Variants in CLCNKB observed in about 807,000 individuals in gnomAD.
CLCNKB encodes the protein chloride voltage-gated channel Kb, also known as chloride channel protein ClC-Kb.
CLCNKB carries 74 observed loss-of-function variants against 83.8 expected under a neutral mutation model. The observed-to-expected ratio is 0.88, with a 90% CI of 0.73 to 1.07. The LOEUF is 1.07. Ranked by LOEUF, CLCNKB falls within the 50% of genes least tolerant of loss-of-function variation. The pLI is 0.00. For synonymous variants in CLCNKB, 358 were observed against 356.6 expected, an observed-to-expected ratio of 1.00 and a Z score of -0.04; for missense variants, 798 against 893.6, an observed-to-expected ratio of 0.89 and a Z score of 1.36.
At chr1:16,045,261 T>C (rs962468266) in intron 2 of CLCNKB, among the ~76,000 whole-genome samples, 3 of 152,140 alleles carry the variant, frequency 2.0e-5, no homozygotes, top group East Asian at 3.8e-4. Context: ...GCCCCCTCCA[T>C]ACTCCCTGTC....
chr1:16,049,338 T>C (rs866201279), intron 8 of CLCNKB, 93 bp downstream of exon 8: 38 of 1,562,382 alleles, frequency 2.4e-5, no homozygotes, highest in Middle Eastern at 1.7e-4. Context: ...TTGCTCTTCC[T>C]TTCCCTCTCT....
chr1:16,049,289 G>A (rs768306627), intron 8 of CLCNKB, 44 bp downstream of exon 8: 8 of 1,608,408 alleles, frequency 5.0e-6, no homozygotes, highest in Middle Eastern at 1.7e-4. Context: ...CCTGGGGGCC[G>A]GGGCGAGGGG....
At chr1:16,052,726 A>C (rs1402473471) in intron 15 of CLCNKB, among the ~76,000 whole-genome samples, 1 of 152,172 alleles carries the variant, frequency 6.6e-6, no homozygotes, top group Admixed American at 6.5e-5. Flanking sequence ...ACAGAGAGTC[A>C]GCACCAGATC....
intron 2 of CLCNKB, 26 bp downstream of exon 2, chr1:16,044,618 C>A (rs2023041331): frequency 1.9e-6 from 3 of 1,552,566 alleles, no homozygotes; most frequent in Non-Finnish European, 2.6e-6. Flanking sequence ...TCTTCCCTTC[C>A]CCCTGGAGGA....
At chr1:16,044,764 G>C (rs761974859) in intron 2 of CLCNKB, among the ~76,000 whole-genome samples, 172 bp downstream of exon 2, 2 of 152,224 alleles carry the variant, frequency 1.3e-5, no homozygotes, top group Non-Finnish European at 2.9e-5. Context: ...TGTCTGTCCA[G>C]CTGTCTGTGG....
Position 16,050,972 on chromosome 1 carries a change from C to G in CLCNKB, c.1151C>G (p.Pro384Arg). ...CCACCCTGGCCCGAGGAGCTCGACCCCCAGCACCTGTGGTGGGAATGGTAC... is the reference window on the plus strand; with the variant it reads ...CCACCCTGGCCCGAGGAGCTCGACCGCCAGCACCTGTGGTGGGAATGGTAC... ...SSPPWPEELD[P>R]QHLWWEWYHP... is the part of the protein sequence containing the mutation. Residue 384 changes from proline to arginine, a missense_variant, in exon 12 of 20, where the codon CCC becomes CGC. Pro to Arg is a moderately radical substitution (Grantham distance 103, BLOSUM62 -2). Coordinates refer to ENST00000375679, the MANE Select transcript of CLCNKB (RefSeq NM_000085.5). 1 of 1,614,000 alleles carries G rather than the reference C, an allele frequency of 6.2e-7. No individual in the cohort carries two copies. Among genetic ancestry groups the G allele is most frequent in the Non-Finnish European group, 8.5e-7 (1 of 1,179,994 alleles).
At chr1:16,056,317 C>T (rs2023437425) in intron 18 of CLCNKB, 105 bp from the exon 19 acceptor site, 6 of 1,147,920 alleles carry the variant, frequency 5.2e-6, no homozygotes, top group Admixed American at 1.8e-5. Flanking sequence ...CTCCCACACA[C>T]ATCAGGCCCC....
At chr1:16,044,362 C>CAT in intron 1 of CLCNKB, 124 bp from the exon 2 acceptor site, 1 of 718,376 alleles carries the variant, frequency 1.4e-6, no homozygotes, top group Non-Finnish European at 2.4e-6. Flanking sequence ...CACATACACA[C>CAT]ACACACACAC....
At chr1:16,045,436 T>G in intron 2 of CLCNKB, 122 bp from the exon 3 acceptor site, 1 of 1,214,732 alleles carries the variant, frequency 8.2e-7, no homozygotes, top group Non-Finnish European at 1.2e-6. Flanking sequence ...TACCCCAGAG[T>G]ATACCACCAA....
At chr1:16,053,216 C>T (rs1261845131) in intron 15 of CLCNKB, among the ~76,000 whole-genome samples, 5 of 152,100 alleles carry the variant, frequency 3.3e-5, no homozygotes, top group Admixed American at 2.6e-4. Flanking sequence ...TTAGTGGAGA[C>T]GGGGTTTCAC....
Position 16,045,607 on chromosome 1 carries a change from GTACTT to G in CLCNKB, c.151_155del (p.Tyr51ProfsTer20). On this transcript the variant is annotated frameshift_variant, in exon 3 of 20. Coordinates refer to ENST00000375679, the MANE Select transcript of CLCNKB (RefSeq NM_000085.5). LOFTEE classifies it high-confidence loss of function. ...AGCTCTTCCGCCTGGGCGAGGACTG[GTACTT>G]CCTGATGACCCTCGGGGTGCTCATG... 6.2e-7 allele frequency: 1 copy of G among 1,614,086 alleles called. No individual in the cohort carries two copies. The highest frequency in any genetic ancestry group is 8.5e-7 in the Non-Finnish European group (1 of 1,179,930).
intron 15 of CLCNKB, 115 bp downstream of exon 15, chr1:16,052,526 T>TGGGAGGG: frequency 1.8e-5 from 24 of 1,354,308 alleles, no homozygotes; most frequent in Non-Finnish European, 2.3e-5. Context: ...ACATGGGGGC[T>TGGGAGGG]GACACACAGC....
intron 19 of CLCNKB, 74 bp downstream of exon 19, chr1:16,056,582 TGGGGG>T: frequency 6.4e-6 from 2 of 314,774 alleles, no homozygotes; most frequent in Non-Finnish European, 1.2e-5. Flanking sequence ...GGAGGTGGGG[TGGGGG>T]GGACACCAGC....
At chr1:16,050,033 T>C in intron 10 of CLCNKB, 117 bp downstream of exon 10, 1 of 681,790 alleles carries the variant, frequency 1.5e-6, no homozygotes. Context: ...TCCTAGCCCA[T>C]GCCCCACATG....
chr1:16,050,503 C>A lies in CLCNKB; in HGVS notation c.969-13C>A. The stretch of plus-strand genomic sequence containing the variant: ...AGGGAGGGCCAGCCCTAGAGCCCAC[C>A]CATCCCCCACAGCAAGCCTGTGTAC... On this transcript the variant is annotated splice_polypyrimidine_tract_variant and intron_variant, in intron 10 of 19. Transcript: ENST00000375679. 2 of 1,613,856 alleles carry A rather than the reference C, an allele frequency of 1.2e-6. No homozygotes were observed. The highest frequency in any genetic ancestry group is 1.7e-6 in the Non-Finnish European group (2 of 1,179,848).
Position 16,051,806 on chromosome 1 carries a change from G to A in CLCNKB, c.1394G>A (p.Gly465Glu), listed in dbSNP as rs757710314. The part of the protein sequence containing the change: ...GGITNPIMPG[G>E]YALAGAAAFS... Reference sequence around the variant, plus strand: ...ATCACCAATCCCATCATGCCAGGGGGGTATGCTCTGGCAGGTGAGTGGGTC... The same window carrying A: ...ATCACCAATCCCATCATGCCAGGGGAGTATGCTCTGGCAGGTGAGTGGGTC... The change falls in exon 14 of 20, where the codon GGG becomes GAG. Residue 465 changes from glycine (G) to glutamate (E), a missense_variant. Physicochemically the swap from Gly to Glu is moderately conservative, Grantham distance 98. Transcript: ENST00000375679. 3.7e-6 allele frequency: 6 copies of A among 1,612,224 alleles called. No homozygotes were observed. The East Asian group carries it at 1.1e-4, about 30-fold the overall frequency.
At chr1:16,047,320 C>T (rs1389147385) in intron 4 of CLCNKB, among the ~76,000 whole-genome samples, 1 of 152,074 alleles carries the variant, frequency 6.6e-6, no homozygotes, top group Admixed American at 6.5e-5. Context: ...TTGCATGTGC[C>T]CGTGGTCCGA....
At chr1:16,050,677 C>G in intron 11 of CLCNKB, 77 bp downstream of exon 11, 1 of 1,512,204 alleles carries the variant, frequency 6.6e-7, no homozygotes, top group Non-Finnish European at 9.1e-7. Flanking sequence ...TCACTTAATC[C>G]CCCCAATACC....
At chr1:16,044,716 T>C in intron 2 of CLCNKB, 124 bp downstream of exon 2, 1 of 813,764 alleles carries the variant, frequency 1.2e-6, no homozygotes, top group Non-Finnish European at 2.0e-6. Context: ...AGGACATGAC[T>C]GCCCAAAGTC....
Sources: allele counts gnomAD v4.1 joint callset (sites outside exome capture counted in the v4.1 genomes callset), GRCh38; gene constraint gnomAD v4.1.1; transcripts MANE v1.5; gene names NCBI Gene and HGNC (gene_info 2026-07-23, HGNC 2026-07-21).